CLDN16: variants seen among roughly 807,000 people sequenced by gnomAD.
CLDN16 encodes the protein claudin 16, also known as claudin-16.
In CLDN16, 13 loss-of-function variants were observed where a neutral mutation model predicts 24.6. The ratio of observed to expected loss-of-function variants is 0.53; its 90% CI spans 0.34 to 0.84. The LOEUF (loss-of-function observed/expected upper bound fraction) is 0.84. Ranked by LOEUF, CLDN16 falls within the 40% of genes least tolerant of loss-of-function variation. The probability of loss-of-function intolerance (pLI) is 0.01; values close to 1 mark genes in which losing one functional copy is unlikely to be tolerated. For synonymous variants in CLDN16, 116 were observed against 106.7 expected, an observed-to-expected ratio of 1.09 and a Z score of -0.54; for missense variants, 298 against 292.7, an observed-to-expected ratio of 1.02 and a Z score of -0.13.
intron 1 of CLDN16, among the ~76,000 whole-genome samples, chr3:190,363,554 G>GTATATATATATATATA (rs1553805321): frequency 3.3e-4 from 27 of 81,316 alleles, no homozygotes; most frequent in Non-Finnish European, 4.8e-4. Flanking sequence ...GTGTGTGTGT[G>GTATATATATATATATA]TGTATATATA....
At chr3:190,317,108 T>C in the CLDN16 span, among the ~76,000 whole-genome samples, 6 of 152,210 alleles carry the variant, frequency 3.9e-5, no homozygotes, top group Admixed American at 2.6e-4. Flanking sequence ...TTGGATGAGA[T>C]AGATGTTGTA....
upstream of CLDN16, among the ~76,000 whole-genome samples, chr3:190,386,419 G>A (rs1718498690): frequency 6.6e-6 from 1 of 152,108 alleles, no homozygotes; most frequent in African/African-American, 2.4e-5. Flanking sequence ...GTGGATGTCA[G>A]AAACGAAGGA....
At chr3:190,371,628 A>T (rs1863236) in intron 2 of CLDN16, among the ~76,000 whole-genome samples, 140,634 of 152,054 alleles carry the variant, frequency 0.92, 65,055 homozygotes, top group East Asian at 1. Context: ...AAAAAGTCAG[A>T]TCTATGAAGT....
the CLDN16 span, among the ~76,000 whole-genome samples, chr3:190,312,174 G>A: frequency 1.2e-4 from 18 of 151,246 alleles, no homozygotes; most frequent in East Asian, 1.2e-3. Flanking sequence ...CAGGTGATCC[G>A]CCCTCCTCAG....
chr3:190,402,746 C>A (rs552541824), intron 2 of CLDN16, among the ~76,000 whole-genome samples: 3 of 151,940 alleles, frequency 2.0e-5, no homozygotes, highest in Non-Finnish European at 4.4e-5. Context: ...GTTTTTTAAT[C>A]GAAATAAACT....
chr3:190,387,870 G>A (rs1718543968), upstream of CLDN16: 2 of 552,862 alleles, frequency 3.6e-6, no homozygotes, highest in Non-Finnish European at 6.5e-6. Context: ...CAACCGTGTA[G>A]CCTTCTTCCG....
chr3:190,308,076 T>C, the CLDN16 span: 3 of 590,430 alleles, frequency 5.1e-6, no homozygotes, highest in East Asian at 3.3e-5. Flanking sequence ...CCCTCCTATA[T>C]TGAGGAAAGA....
chr3:190,318,455 A>G (rs1190004544), upstream of CLDN16, among the ~76,000 whole-genome samples: 1 of 152,230 alleles, frequency 6.6e-6, no homozygotes, highest in Non-Finnish European at 1.5e-5. Context: ...CCTTAGCAGC[A>G]AGAATAGGGC....
At chr3:190,393,419 G>A (rs979567332) in intron 1 of CLDN16, among the ~76,000 whole-genome samples, 3 of 152,162 alleles carry the variant, frequency 2.0e-5, no homozygotes, top group African/African-American at 7.2e-5. Flanking sequence ...TATGAATTTA[G>A]ACAGACTCTT....
At chr3:190,307,217 C>T in the CLDN16 span, 1 of 152,492 alleles carries the variant, frequency 6.6e-6, no homozygotes, top group Non-Finnish European at 1.5e-5. Context: ...ATTATCACTC[C>T]AGAAAGTCTA....
chr3:190,365,644 T>C (rs959025869), intron 1 of CLDN16, among the ~76,000 whole-genome samples: 12 of 151,000 alleles, frequency 7.9e-5, no homozygotes, highest in Non-Finnish European at 1.3e-4. Context: ...AAGAACGATC[T>C]GAAATCAAGC....
In CLDN16 at chr3:190,412,071, A is replaced by C. The variant is rs2108523053; in HGVS notation, c.*2035A>C. On this transcript the variant is annotated 3_prime_UTR_variant, in exon 5 of 5. Transcript: ENST00000264734. ...TTTGTATAAGAAAATATTTCAGAGA[A>C]CCATGATGATAATGGATATGTGTGA... The C allele has an allele frequency of 6.6e-6, 1 of 152,228 alleles. No homozygotes were observed. The highest frequency in any genetic ancestry group is 2.4e-5 in the African/African-American group (1 of 41,552). 9.4% of individuals were successfully genotyped at this position (152,228 alleles called of 1,614,324 possible).
intron 1 of CLDN16, among the ~76,000 whole-genome samples, chr3:190,348,274 A>C (rs1176874726): frequency 2.4e-5 from 3 of 123,580 alleles, no homozygotes; most frequent in Non-Finnish European, 3.6e-5. Context: ...AAAAAAAAGA[A>C]TAAATCAAAA....
intron 1 of CLDN16, among the ~76,000 whole-genome samples, chr3:190,388,749 T>G (rs1169227252): frequency 6.6e-6 from 1 of 152,196 alleles, no homozygotes; most frequent in Non-Finnish European, 1.5e-5. Context: ...AATTCACGTC[T>G]TCCATTGCTG....
intron 1 of CLDN16, among the ~76,000 whole-genome samples, chr3:190,401,128 G>A (rs2108669077): frequency 6.6e-6 from 1 of 152,222 alleles, no homozygotes; most frequent in East Asian, 1.9e-4. Context: ...AGTAGTAATA[G>A]AGGTAAAACA....
At chr3:190,383,941 C>T (rs530448601), upstream of CLDN16, among the ~76,000 whole-genome samples, 18 of 152,234 alleles carry the variant, frequency 1.2e-4, no homozygotes, top group South Asian at 2.1e-4. Context: ...CCTTTACAAA[C>T]GTTATTCATT....
chr3:190,321,560 G>A (rs1261184415), upstream of CLDN16, among the ~76,000 whole-genome samples: 4 of 152,114 alleles, frequency 2.6e-5, no homozygotes, highest in South Asian at 2.1e-4. Flanking sequence ...TTATTTAAGC[G>A]TGCACACTTG....
upstream of CLDN16, chr3:190,321,960 G>T (rs770354215): frequency 6.2e-7 from 1 of 1,603,644 alleles, no homozygotes; most frequent in East Asian, 2.2e-5. Context: ...CTGGACGGCC[G>T]CTGTGAGGTG....
intron 4 of CLDN16, 47 bp downstream of exon 4, chr3:190,408,552 T>C (rs759029339): frequency 1.2e-5 from 18 of 1,544,968 alleles, no homozygotes; most frequent in Non-Finnish European, 1.6e-5. Context: ...CACTATCGTT[T>C]TTCCCAATCC....
Sources: allele counts gnomAD v4.1 joint callset (sites outside exome capture counted in the v4.1 genomes callset), GRCh38; gene constraint gnomAD v4.1.1; transcripts MANE v1.5; gene names NCBI Gene and HGNC (gene_info 2026-07-23, HGNC 2026-07-21).